KLC1: variants seen among roughly 807,000 people sequenced by gnomAD.
KLC1 encodes kinesin 2 60/70kDa.
KLC1 carries 30 observed loss-of-function variants against 84.2 expected under a neutral mutation model. That is an observed-to-expected ratio of 0.36 (90% confidence interval 0.27 to 0.48). The LOEUF is 0.48. Ranked by LOEUF, KLC1 falls within the 20% of genes least tolerant of loss-of-function variation. KLC1 has a pLI of 0.99. For synonymous variants in KLC1, 289 were observed against 293.3 expected (o/e 0.99, Z 0.15); for missense variants, 499 against 805.4 (o/e 0.62, Z 4.60).
Position 103,693,587 on chromosome 14 carries a change from T to G in KLC1, c.1848+1162T>G. ...AATTGTCTGGCCGACTCGCGAGCTC[T>G]GAGTGCCAGCCACACTGACCTGGCC... On this transcript the variant is annotated intron_variant, in intron 15 of 16. Transcript: ENST00000334553. The surrounding 1 kb of genome is among the most constrained non-coding windows in gnomAD (Gnocchi z 5.1). 6.5e-7 allele frequency: 1 copy of G among 1,536,144 alleles called. No individual in the cohort carries two copies. The highest frequency in any genetic ancestry group is 2.4e-5 in the East Asian group (1 of 40,922).
chr14:103,681,742 C>T (rs930604306), intron 13 of KLC1, among the ~76,000 whole-genome samples: 2 of 152,204 alleles, frequency 1.3e-5, no homozygotes, highest in African/African-American at 4.8e-5. Context: ...CAGGCATAAA[C>T]CACCGACTTT....
intron 15 of KLC1, chr14:103,699,402 T>G: frequency 1.2e-6 from 2 of 1,612,068 alleles, no homozygotes; most frequent in Non-Finnish European, 1.7e-6. Context: ...AAGGCACTGC[T>G]CAGCTCACGC....
At chr14:103,700,359 C>T (rs1006897960) in intron 15 of KLC1, 16 of 372,520 alleles carry the variant, frequency 4.3e-5, no homozygotes, top group Admixed American at 1.8e-4. Context: ...TGGGTGCTGC[C>T]GTGGCCTGTG....
intron 1 of KLC1, among the ~76,000 whole-genome samples, chr14:103,638,081 T>A (rs896809134): frequency 6.6e-6 from 1 of 152,072 alleles, no homozygotes; most frequent in East Asian, 1.9e-4. Flanking sequence ...TGGTATTGTT[T>A]GGGGCTTCTG....
Position 103,694,089 on chromosome 14 carries a change from G to A in KLC1, c.1848+1664G>A, listed in dbSNP as rs745718294. ...TGGCAGTAAAGCCTGAAGCTTAGCGGACACTGGTCAGTGGGAAGTGAATTC... is the reference window on the plus strand; with the variant it reads ...TGGCAGTAAAGCCTGAAGCTTAGCGAACACTGGTCAGTGGGAAGTGAATTC... On this transcript the variant is annotated intron_variant, in intron 15 of 16. Transcript: ENST00000334553. This position sits in a 1 kb window ranked among gnomAD's most constrained non-coding sequence, Gnocchi z 4.5. 1 of 986,092 alleles carries A rather than the reference G, an allele frequency of 1.0e-6. No homozygotes were observed. The highest frequency in any genetic ancestry group is 1.2e-6 in the Non-Finnish European group (1 of 829,618). 61.1% of individuals were successfully genotyped at this position (986,092 alleles called of 1,614,324 possible). A position where few individuals can be genotyped will look rare whatever the true frequency, so the allele number is the denominator to read the frequency against.
chr14:103,696,898 C>G, intron 15 of KLC1: 2 of 985,282 alleles, frequency 2.0e-6, no homozygotes, highest in Non-Finnish European at 2.4e-6. Flanking sequence ...GGACTGACTG[C>G]CAGGCCAGCC....
At chr14:103,632,863 C>T (rs1411681541) in intron 1 of KLC1, among the ~76,000 whole-genome samples, 1 of 151,998 alleles carries the variant, frequency 6.6e-6, no homozygotes, top group African/African-American at 2.4e-5. Context: ...ACCAATCAGC[C>T]AGTGTCAGGG....
At chr14:103,687,242 C>A (rs776915269) in intron 14 of KLC1, 31 bp downstream of exon 14, 2 of 1,510,684 alleles carry the variant, frequency 1.3e-6, no homozygotes, top group South Asian at 1.2e-5. Context: ...TCCCGACTCC[C>A]TGCACGCCGG....
At chr14:103,695,016 G>A in intron 15 of KLC1, 32 of 985,374 alleles carry the variant, frequency 3.2e-5, no homozygotes, top group Non-Finnish European at 3.9e-5. Flanking sequence ...CTGTGGCCGT[G>A]GCTCCTTTTC....
chr14:103,640,585 C>T (rs1215763754), intron 1 of KLC1, among the ~76,000 whole-genome samples: 1 of 152,102 alleles, frequency 6.6e-6, no homozygotes, highest in Non-Finnish European at 1.5e-5. Context: ...TGGTCTCGAT[C>T]TCCTGACCTT....
At chr14:103,646,364 T>C (rs1049865327) in intron 1 of KLC1, among the ~76,000 whole-genome samples, 3 of 152,104 alleles carry the variant, frequency 2.0e-5, no homozygotes, top group African/African-American at 7.2e-5. Context: ...TGCAGTGGCA[T>C]GATCATAGCT....
At chr14:103,690,636 TC>T (rs5811116) in intron 14 of KLC1, among the ~76,000 whole-genome samples, 142,048 of 152,296 alleles carry the variant, frequency 0.93, 66,498 homozygotes, top group East Asian at 0.98. Context: ...ATGTTCGCTG[TC>T]CCATGTTGCA....
chr14:103,688,286 A>T (rs2081906032), intron 14 of KLC1, among the ~76,000 whole-genome samples: 1 of 152,102 alleles, frequency 6.6e-6, no homozygotes, highest in Admixed American at 6.6e-5. Flanking sequence ...AGTAGCTGGG[A>T]TTACAGGCAC....
intron 1 of KLC1, among the ~76,000 whole-genome samples, chr14:103,636,445 C>G (rs1295929291): frequency 6.6e-6 from 1 of 152,120 alleles, no homozygotes; most frequent in Non-Finnish European, 1.5e-5. Context: ...GTCTTGAACT[C>G]CTGACCTCAG....
Position 103,687,070 on chromosome 14 carries a change from GT to G in KLC1, c.1651-4del. ...CACCTGCAGCTTCACGTTTGTTCAC[GT>G]TTTTTTCAGGATGGCACTGGATCTT... On this transcript the variant is annotated splice_polypyrimidine_tract_variant and intron_variant, in intron 13 of 16. Coordinates refer to ENST00000334553, the MANE Select transcript of KLC1 (RefSeq NM_001394837.1). 6 of 1,517,754 alleles carry G rather than the reference GT, an allele frequency of 4.0e-6. No individual in the cohort carries two copies. Among genetic ancestry groups the G allele is most frequent in the Non-Finnish European group, 3.6e-6 (4 of 1,120,970 alleles). 94.0% of individuals were successfully genotyped at this position (1,517,754 alleles called of 1,614,324 possible). A position where few individuals can be genotyped will look rare whatever the true frequency, so the allele number is the denominator to read the frequency against.
chr14:103,655,083 C>T (rs1024804816), intron 2 of KLC1, among the ~76,000 whole-genome samples: 2 of 151,922 alleles, frequency 1.3e-5, no homozygotes, highest in East Asian at 2.0e-4. Context: ...AAAAATTAGC[C>T]GGGCCTGGTG....
At position 103,643,742 on chromosome 14, in the gene KLC1, A is replaced by G. The variant is rs138592012; in HGVS notation, c.-1-10822A>G. Among the ~76,000 whole-genome samples the G allele has an allele frequency of 9.2e-5, 14 of 152,018 alleles. 1 individual carries two copies. Among genetic ancestry groups the G allele is most frequent in the African/African-American group, 3.4e-4 (14 of 41,450 alleles). On this transcript the variant is annotated intron_variant, in intron 1 of 16. Transcript: ENST00000334553. ...CAAGAGTTCCAGACCAGCCTGGCCA[A>G]TATGGTGAAACTCCGTCTCTACTAA... is the stretch of plus-strand genomic sequence containing the variant.
At chr14:103,630,190 C>G (rs1008162938) in intron 1 of KLC1, among the ~76,000 whole-genome samples, 1 of 152,226 alleles carries the variant, frequency 6.6e-6, no homozygotes, top group Non-Finnish European at 1.5e-5. Context: ...AGCCTCCGTC[C>G]TGGAATGCTT....
At chr14:103,701,097 C>A in intron 16 of KLC1, 104 bp from the exon 17 acceptor site, 1 of 1,396,202 alleles carries the variant, frequency 7.2e-7, no homozygotes, top group Non-Finnish European at 9.9e-7. Flanking sequence ...CTTCTCTAGG[C>A]AGACTTGGGG....
Sources: gnomAD v4.1 joint callset for allele counts (sites outside exome capture counted in the v4.1 genomes callset) on GRCh38, gnomAD v4.1.1 for gene constraint, Gnocchi (gnomAD v3.1) non-coding constraint, MANE v1.5 for transcripts, NCBI Gene and HGNC (gene_info 2026-07-23, HGNC 2026-07-21) for gene names.